TTC7B: variants seen among roughly 807,000 people sequenced by gnomAD.
TTC7B encodes tetratricopeptide repeat domain 7B, also known as tetratricopeptide repeat protein 7B.
TTC7B carries 28 observed loss-of-function variants against 106.8 expected under a neutral mutation model. The observed-to-expected ratio is 0.26, with a 90% CI of 0.19 to 0.36. The LOEUF (loss-of-function observed/expected upper bound fraction) is 0.36, where lower values mean the gene tolerates loss of function less well. TTC7B is among the 10% of genes least tolerant of loss of function. The probability of loss-of-function intolerance (pLI) is 1.00; values close to 1 mark genes in which losing one functional copy is unlikely to be tolerated. For synonymous variants in TTC7B, 405 were observed against 430.6 expected, an observed-to-expected ratio of 0.94 and a Z score of 0.74; for missense variants, 862 against 1,076.4, an observed-to-expected ratio of 0.80 and a Z score of 2.79.
chr14:90,617,198 A>G (rs78591162), intron 16 of TTC7B, among the ~76,000 whole-genome samples: 2,186 of 152,322 alleles, frequency 0.014, 96 homozygotes, highest in East Asian at 0.13. Flanking sequence ...CCCGCGGAAA[A>G]CTGATAATAA....
chr14:90,741,198 T>C (rs1211689845), intron 4 of TTC7B, among the ~76,000 whole-genome samples: 1 of 152,170 alleles, frequency 6.6e-6, no homozygotes, highest in Non-Finnish European at 1.5e-5. Flanking sequence ...CGTTCTGAAG[T>C]GTCACTGCCC....
chr14:90,618,871 C>T (rs972792343), intron 15 of TTC7B, among the ~76,000 whole-genome samples: 1 of 152,176 alleles, frequency 6.6e-6, no homozygotes, highest in Non-Finnish European at 1.5e-5. Flanking sequence ...CCTGACTTAC[C>T]CGCTCTCACA....
At position 90,525,502 on chromosome 14, in the gene TTC7B, C is replaced by G. The variant is rs544856396; in HGVS notation, c.*15866G>C. On this transcript the variant is annotated 3_prime_UTR_variant, in exon 20 of 20. Transcript: ENST00000328459. ...ACCGCACCGCTTTCGCCCTGCGGCC[C>G]GGCTCGGTAGCCTGATCAGTCGCGT... 6.9e-6 allele frequency: 1 copy of G among 145,608 alleles called. No individual in the cohort carries two copies. Among genetic ancestry groups the G allele is most frequent in the East Asian group, 2.5e-4 (1 of 4,004 alleles). 9.0% of individuals were successfully genotyped at this position (145,608 alleles called of 1,614,324 possible).
chr14:90,608,129 C>T lies in TTC7B; in HGVS notation c.1966+2613G>A, dbSNP rs1441397415. 6.6e-6 allele frequency among the ~76,000 whole-genome samples: 1 copy of T among 152,206 alleles called. No individual in the cohort carries two copies. Among genetic ancestry groups the T allele is most frequent in the Non-Finnish European group, 1.5e-5 (1 of 68,042 alleles). ...ACAGGTGTGTGAATGACAGCATCTG[C>T]CCCTTCTTGACTGCACCATGAGCTG... On this transcript the variant is annotated intron_variant, in intron 17 of 19. Transcript: ENST00000328459. This position sits in a 1 kb window ranked among gnomAD's most constrained non-coding sequence, Gnocchi z 5.1.
At chr14:90,615,436 C>G (rs995979331) in intron 16 of TTC7B, among the ~76,000 whole-genome samples, 53 of 152,202 alleles carry the variant, frequency 3.5e-4, no homozygotes, top group African/African-American at 1.3e-3. Flanking sequence ...CAGCACAGAC[C>G]AGCTCCGGGG....
Position 90,657,337 on chromosome 14 carries a change from C to T in TTC7B, c.1237-59G>A, listed in dbSNP as rs1054687058. The T allele has an allele frequency of 1.9e-6, 3 of 1,546,498 alleles. No homozygotes were observed. The highest frequency in any genetic ancestry group is 2.6e-6 in the Non-Finnish European group (3 of 1,134,682). ...AAGTGTTTGACAGAACCGAATACTA[C>T]AGCCTTCTCAGAGGGGTTTTTGGTC... On this transcript the variant is annotated intron_variant, in intron 10 of 19. Coordinates refer to ENST00000328459, the MANE Select transcript of TTC7B (RefSeq NM_001010854.2). This position sits in a 1 kb window ranked among gnomAD's most constrained non-coding sequence, Gnocchi z 4.2.
chr14:90,700,776 A>G (rs1219712683), intron 5 of TTC7B, among the ~76,000 whole-genome samples: 2 of 134,938 alleles, frequency 1.5e-5, no homozygotes, highest in Non-Finnish European at 3.3e-5. Context: ...AAGCAGATAC[A>G]TACCATGTAT....
At chr14:90,664,615 T>C (rs1886339139) in intron 9 of TTC7B, among the ~76,000 whole-genome samples, 1 of 152,226 alleles carries the variant, frequency 6.6e-6, no homozygotes, top group Admixed American at 6.5e-5. Flanking sequence ...GATGCATTGA[T>C]GAAAACGGAC....
In TTC7B at chr14:90,624,571, C is replaced by A. The variant is rs1884358241; in HGVS notation, c.1752-6526G>T. Among the ~76,000 whole-genome samples, 1 of 152,174 alleles carries A rather than the reference C, an allele frequency of 6.6e-6. No homozygotes were observed. ...AGTGAGTCCCAGACTTGGGCAGGGG[C>A]CAAAGATAGAGTGAAAAGGGCAGAT... On this transcript the variant is annotated intron_variant, in intron 15 of 19. Coordinates refer to ENST00000328459, the MANE Select transcript of TTC7B (RefSeq NM_001010854.2). This position sits in a 1 kb window ranked among gnomAD's most constrained non-coding sequence, Gnocchi z 4.0.
At position 90,742,882 on chromosome 14, in the gene TTC7B, C is replaced by G. The variant is rs139500696; in HGVS notation, c.576+1910G>C. Among the ~76,000 whole-genome samples, 1 of 152,140 alleles carries G rather than the reference C, an allele frequency of 6.6e-6. No individual in the cohort carries two copies. The highest frequency in any genetic ancestry group is 1.9e-4 in the East Asian group (1 of 5,194). On this transcript the variant is annotated intron_variant, in intron 4 of 19. Transcript: ENST00000328459. This position sits in a 1 kb window ranked among gnomAD's most constrained non-coding sequence, Gnocchi z 4.1. ...ACACATGAGCCTCCTTTCTCCCAGC[C>G]GGGAGAAGACGGCTCCAAAGTGACA...
rs1321898302 is a variant in TTC7B, at chr14:90,570,488, A to G, written c.2310+7618T>C. 1.3e-5 allele frequency among the ~76,000 whole-genome samples: 2 copies of G among 151,496 alleles called. No individual in the cohort carries two copies. The highest frequency in any genetic ancestry group is 4.9e-5 in the African/African-American group (2 of 41,156). On this transcript the variant is annotated intron_variant, in intron 19 of 19. Transcript: ENST00000328459. The surrounding 1 kb of genome is among the most constrained non-coding windows in gnomAD (Gnocchi z 4.0). ...TCACCCCAGGGGCCTCCACCAATGCACTCTCCCACCCTTTTCCACCTCAAA... is the reference window on the plus strand; with the variant it reads ...TCACCCCAGGGGCCTCCACCAATGCGCTCTCCCACCCTTTTCCACCTCAAA...
chr14:90,684,912 C>A (rs1432658930), intron 7 of TTC7B, among the ~76,000 whole-genome samples: 2 of 152,138 alleles, frequency 1.3e-5, no homozygotes, highest in Non-Finnish European at 2.9e-5. Context: ...TAAACTAAAG[C>A]TGATACAATT....
intron 3 of TTC7B, among the ~76,000 whole-genome samples, chr14:90,754,525 A>T (rs1368811119): frequency 6.6e-6 from 1 of 152,242 alleles, no homozygotes; most frequent in Non-Finnish European, 1.5e-5. Context: ...GAAAGTCTCC[A>T]AGTAGAAGAA....
At chr14:90,725,941 G>A (rs757967511) in intron 5 of TTC7B, among the ~76,000 whole-genome samples, 43 of 152,238 alleles carry the variant, frequency 2.8e-4, no homozygotes, top group Non-Finnish European at 5.4e-4. Flanking sequence ...GCAACCTGCA[G>A]TAACTAATTG....
rs138401937 is a variant in TTC7B, at chr14:90,604,042, T to A, written c.1966+6700A>T. 6.3e-4 allele frequency among the ~76,000 whole-genome samples: 96 copies of A among 152,294 alleles called. 1 individual carries two copies. The East Asian group carries it at 6.6e-3, about 10-fold the overall frequency. ...ATCACCCCAGAAAGTCACTGATTAATCAGACATAAAGTGCCTCCCCTGAAG... is the reference window on the plus strand; with the variant it reads ...ATCACCCCAGAAAGTCACTGATTAAACAGACATAAAGTGCCTCCCCTGAAG... On this transcript the variant is annotated intron_variant, in intron 17 of 19. Transcript: ENST00000328459.
In TTC7B at chr14:90,604,726, C is replaced by A. The variant is rs751626111; in HGVS notation, c.1966+6016G>T. ...ATGAGCAAAAGAAAACAAGGATGGG[C>A]TCCCCGGGTCAGATTCATATTTAGG... On this transcript the variant is annotated intron_variant, in intron 17 of 19. Transcript: ENST00000328459. 1.2e-3 allele frequency among the ~76,000 whole-genome samples: 186 copies of A among 152,264 alleles called. 1 individual carries two copies. Among genetic ancestry groups the A allele is most frequent in the Non-Finnish European group, 9.1e-4 (62 of 68,032 alleles).
intron 1 of TTC7B, among the ~76,000 whole-genome samples, chr14:90,792,021 G>T (rs1891603985): frequency 6.6e-6 from 1 of 152,144 alleles, no homozygotes; most frequent in African/African-American, 2.4e-5. Flanking sequence ...AAGTTTACCG[G>T]TCTCCAAACA....
At chr14:90,544,165 C>G (rs199541830) in intron 19 of TTC7B, among the ~76,000 whole-genome samples, 1 of 152,226 alleles carries the variant, frequency 6.6e-6, no homozygotes, top group South Asian at 2.1e-4. Context: ...GAGGAGGAGG[C>G]GGAGGCCACG....
chr14:90,549,114 C>A (rs1329789889), intron 19 of TTC7B, among the ~76,000 whole-genome samples: 2 of 143,978 alleles, frequency 1.4e-5, no homozygotes, highest in Non-Finnish European at 3.0e-5. Context: ...GGCAACAGAG[C>A]AAGACTCCGT....
Sources: allele counts gnomAD v4.1 joint callset (sites outside exome capture counted in the v4.1 genomes callset), GRCh38; gene constraint gnomAD v4.1.1; non-coding constraint Gnocchi (gnomAD v3.1); transcripts MANE v1.5; gene names NCBI Gene and HGNC (gene_info 2026-07-23, HGNC 2026-07-21).